The following CRADD variants were observed in gnomAD, a reference collection of about 807,000 sequenced individuals.
The protein encoded by CRADD is CARD and death domain containing adaptor protein, also known as death domain-containing protein CRADD.
A neutral mutation model predicts 15.5 loss-of-function variants in CRADD; 9 were observed. That is an observed-to-expected ratio of 0.58 (90% confidence interval 0.35 to 1.01). The LOEUF is 1.01. Ranked by LOEUF, CRADD falls within the 50% of genes least tolerant of loss-of-function variation. CRADD has a pLI of 0.02. For missense variants in CRADD, 227 were observed against 250.3 expected, an observed-to-expected ratio of 0.91 and a Z score of 0.63; for synonymous variants, 118 against 107.6, an observed-to-expected ratio of 1.10 and a Z score of -0.60.
chr12:93,736,814 G>A (rs1174448658), intron 2 of CRADD, among the ~76,000 whole-genome samples: 1 of 152,196 alleles, frequency 6.6e-6, no homozygotes, highest in Non-Finnish European at 1.5e-5. Context: ...AGTGAGTCTT[G>A]TACTAGGCTC....
At chr12:93,718,643 T>G (rs572113236) in intron 2 of CRADD, among the ~76,000 whole-genome samples, 1 of 152,340 alleles carries the variant, frequency 6.6e-6, no homozygotes, top group South Asian at 2.1e-4. Context: ...ACATACCTTT[T>G]GTTTCTTTTT....
Position 93,690,332 on chromosome 12 carries a change from G to A in CRADD, c.298+11260G>A, listed in dbSNP as rs868853150. 7.9e-5 allele frequency among the ~76,000 whole-genome samples: 12 copies of A among 152,302 alleles called. No homozygotes were observed. The South Asian group carries it at 8.3e-4, about 11-fold the overall frequency. On this transcript the variant is annotated intron_variant, in intron 2 of 2. Transcript: ENST00000332896. ...TCTTTTTGGATTGAATAGGTCTCAC[G>A]CCCATGGGCCTGGAAAACAAATGAT...
chr12:93,819,852 C>T (rs1351746892), intron 2 of CRADD, among the ~76,000 whole-genome samples: 4 of 152,210 alleles, frequency 2.6e-5, no homozygotes, highest in African/African-American at 7.2e-5. Context: ...TCAAAAATAA[C>T]GAGCAAAGAA....
At chr12:93,725,397 T>G (rs1201786591) in intron 2 of CRADD, among the ~76,000 whole-genome samples, 1 of 152,212 alleles carries the variant, frequency 6.6e-6, no homozygotes, top group Admixed American at 6.5e-5. Context: ...GTTCTCACAC[T>G]GTCCTGTTTT....
At chr12:93,762,100 T>C (rs1565904338) in intron 2 of CRADD, among the ~76,000 whole-genome samples, 1 of 152,190 alleles carries the variant, frequency 6.6e-6, no homozygotes, top group Non-Finnish European at 1.5e-5. Context: ...CAAAGGCTAA[T>C]AACTGGAAAC....
chr12:93,788,907 T>A (rs1178642512), intron 2 of CRADD, among the ~76,000 whole-genome samples: 1 of 152,096 alleles, frequency 6.6e-6, no homozygotes, highest in African/African-American at 2.4e-5. Context: ...TCATCAGCCT[T>A]TCCATAGTGG....
chr12:93,686,598 A>G (rs1955447247), intron 2 of CRADD, among the ~76,000 whole-genome samples: 2 of 152,224 alleles, frequency 1.3e-5, no homozygotes, highest in African/African-American at 4.8e-5. Context: ...TTTTAAACAC[A>G]TTTACTTGCT....
intron 2 of CRADD, among the ~76,000 whole-genome samples, chr12:93,776,700 C>T (rs904050354): frequency 5.9e-5 from 9 of 152,234 alleles, no homozygotes; most frequent in Admixed American, 3.9e-4. Context: ...CAAAATGGGG[C>T]ATATACATAC....
chr12:93,684,288 A>T (rs996764059), intron 2 of CRADD, among the ~76,000 whole-genome samples: 2 of 152,138 alleles, frequency 1.3e-5, no homozygotes, highest in Non-Finnish European at 2.9e-5. Flanking sequence ...GGGGGGAATG[A>T]TGGTTTCGGG....
intron 2 of CRADD, chr12:93,816,209 T>C (rs1033228870): frequency 6.6e-6 from 1 of 152,142 alleles, no homozygotes; most frequent in African/African-American, 2.4e-5. Context: ...ATTTTATTTA[T>C]TTATTTACTT....
intron 2 of CRADD, among the ~76,000 whole-genome samples, chr12:93,725,199 T>C (rs1189442670): frequency 6.6e-6 from 1 of 152,200 alleles, no homozygotes; most frequent in Non-Finnish European, 1.5e-5. Flanking sequence ...CTGTTAATTA[T>C]CTTTCACTCA....
At chr12:93,885,365 AT>A (rs921771110) in intron 2 of CRADD, among the ~76,000 whole-genome samples, 1 of 152,142 alleles carries the variant, frequency 6.6e-6, no homozygotes, top group Non-Finnish European at 1.5e-5. Context: ...ACTTGGAAAC[AT>A]TTTTTGCAAT....
intron 2 of CRADD, among the ~76,000 whole-genome samples, chr12:93,769,106 G>A (rs573961472): frequency 2.6e-5 from 4 of 151,428 alleles, no homozygotes; most frequent in Non-Finnish European, 4.4e-5. Flanking sequence ...TTGGAGACAG[G>A]GTCTTACTCT....
chr12:93,773,248 C>T (rs1957103650), intron 2 of CRADD, among the ~76,000 whole-genome samples: 1 of 152,150 alleles, frequency 6.6e-6, no homozygotes, highest in Non-Finnish European at 1.5e-5. Flanking sequence ...TTGACTGTGT[C>T]CCCACTCACA....
chr12:93,846,060 T>C (rs768857932), intron 2 of CRADD, among the ~76,000 whole-genome samples: 1 of 152,210 alleles, frequency 6.6e-6, no homozygotes, highest in Non-Finnish European at 1.5e-5. Context: ...GACTGGCTTA[T>C]TTTACTTAGT....
chr12:93,791,838 A>G (rs895108138), intron 2 of CRADD, among the ~76,000 whole-genome samples: 22 of 152,032 alleles, frequency 1.4e-4, no homozygotes, highest in Non-Finnish European at 2.5e-4. Flanking sequence ...ATAATATAAC[A>G]TAAATACTAT....
chr12:93,821,508 C>T (rs552982620), intron 2 of CRADD, among the ~76,000 whole-genome samples: 1 of 152,350 alleles, frequency 6.6e-6, no homozygotes, highest in East Asian at 1.9e-4. Flanking sequence ...AAAAGAAACA[C>T]ACCATGTAAC....
chr12:93,699,577 C>G (rs1308300655), intron 2 of CRADD, among the ~76,000 whole-genome samples: 1 of 152,142 alleles, frequency 6.6e-6, no homozygotes, highest in African/African-American at 2.4e-5. Context: ...TTTTTTACAT[C>G]CCCCCACCTT....
At chr12:93,729,504 C>G (rs1956426089) in intron 2 of CRADD, among the ~76,000 whole-genome samples, 2 of 152,152 alleles carry the variant, frequency 1.3e-5, no homozygotes, top group South Asian at 4.1e-4. Context: ...AGAGATCTTA[C>G]AGCCAGCCAC....
Sources: gnomAD v4.1 joint callset for allele counts (sites outside exome capture counted in the v4.1 genomes callset) on GRCh38, gnomAD v4.1.1 for gene constraint, MANE v1.5 for transcripts, NCBI Gene and HGNC (gene_info 2026-07-23, HGNC 2026-07-21) for gene names.